The following TGM7 variants were observed in gnomAD, a reference collection of about 807,000 sequenced individuals.
TGM7 encodes the protein protein-glutamine gamma-glutamyltransferase Z.
TGM7 carries 74 observed loss-of-function variants against 79.5 expected under a neutral mutation model. That is an observed-to-expected ratio of 0.93 (90% CI 0.77 to 1.13). TGM7 has a LOEUF of 1.13. Ranked by LOEUF, TGM7 falls within the 50% of genes most tolerant of loss-of-function variation. TGM7 has a pLI of 0.00. For synonymous variants in TGM7, 354 were observed against 362.5 expected, an observed-to-expected ratio of 0.98 and a Z score of 0.27; for missense variants, 912 against 905.9, an observed-to-expected ratio of 1.01 and a Z score of -0.09.
At chr15:43,297,083 C>T (rs555138261) in intron 1 of TGM7, among the ~76,000 whole-genome samples, 15 of 152,108 alleles carry the variant, frequency 9.9e-5, no homozygotes, top group African/African-American at 3.6e-4. Flanking sequence ...CCACAAGATT[C>T]CTGGCACTTA....
At chr15:43,299,664 T>C (rs1251997032) in intron 1 of TGM7, among the ~76,000 whole-genome samples, 2 of 152,246 alleles carry the variant, frequency 1.3e-5, no homozygotes, top group East Asian at 3.8e-4. Context: ...AGGTGGAAGG[T>C]GGACTCAGCT....
At chr15:43,276,779 G>A (rs1466071975) in intron 12 of TGM7, 83 bp downstream of exon 12, 2 of 1,568,088 alleles carry the variant, frequency 1.3e-6, no homozygotes, top group Non-Finnish European at 8.7e-7. Context: ...CACTGCACAG[G>A]AGACTGAGGA....
At position 43,276,858 on chromosome 15, in the gene TGM7, T is replaced by C; in HGVS notation, c.1973+4A>G. ...AGGGGGAGGTGGGCAGAAGCGTCAC[T>C]TACTCCTTTGCTATCTGCCCATTGA... is the stretch of plus-strand genomic sequence containing the variant. On this transcript the variant is annotated splice_donor_region_variant and intron_variant, in intron 12 of 12. Transcript: ENST00000452443. 1 of 1,613,842 alleles carries C rather than the reference T, an allele frequency of 6.2e-7. No individual in the cohort carries two copies. The highest frequency in any genetic ancestry group is 8.5e-7 in the Non-Finnish European group (1 of 1,179,820).
Position 43,292,875 on chromosome 15 carries a change from A to G in TGM7, c.273T>C (p.Ala91=). Residue 91 remains alanine, a synonymous_variant, in exon 3 of 13, where the codon GCT becomes GCC. Coordinates refer to ENST00000452443, the MANE Select transcript of TGM7 (RefSeq NM_052955.3). The part of the protein sequence containing the change: ...TRVQPGNVWS[A]SDFTIDSNSL... Reference sequence around the variant, plus strand: ...AGTTGGAGTCAATGGTGAAATCAGAAGCGCTCCAGACATTCCCGGGCTGGA... The same window carrying G: ...AGTTGGAGTCAATGGTGAAATCAGAGGCGCTCCAGACATTCCCGGGCTGGA... 6.2e-7 allele frequency: 1 copy of G among 1,614,058 alleles called. No individual in the cohort carries two copies. Among genetic ancestry groups the G allele is most frequent in the Non-Finnish European group, 8.5e-7 (1 of 1,180,018 alleles).
Position 43,295,767 on chromosome 15 carries a change from A to G in TGM7, c.11-2136T>C, listed in dbSNP as rs78256254. Among the ~76,000 whole-genome samples, 1,330 of 152,334 alleles carry G rather than the reference A, an allele frequency of 8.7e-3. 20 individuals carry two copies. The highest frequency in any genetic ancestry group is 0.03 in the African/African-American group (1,261 of 41,572). Reference sequence around the variant, plus strand: ...GTCTGGCTAAAAACAGAATATGCATAAGGATCCCTTGATCTGTCTCTTAAC... The same window carrying G: ...GTCTGGCTAAAAACAGAATATGCATGAGGATCCCTTGATCTGTCTCTTAAC... On this transcript the variant is annotated intron_variant, in intron 1 of 12. Coordinates refer to ENST00000452443, the MANE Select transcript of TGM7 (RefSeq NM_052955.3).
rs1278708256 is a variant in TGM7 at position 43,292,706 on chromosome 15, T to C, written c.439+3A>G. The C allele has an allele frequency of 2.5e-6, 4 of 1,614,024 alleles. No homozygotes were observed. In the Admixed American group the frequency reaches 6.7e-5, roughly 27 times the overall value. On this transcript the variant is annotated splice_donor_region_variant and intron_variant, in intron 3 of 12. Coordinates refer to ENST00000452443, the MANE Select transcript of TGM7 (RefSeq NM_052955.3). ...AGCAATACAAGCTGTGGGCACATCC[T>C]ACCTGGACTCCAAGGGTTAAAAAGT...
At chr15:43,294,090 A>G (rs1187783087) in intron 1 of TGM7, among the ~76,000 whole-genome samples, 1 of 152,098 alleles carries the variant, frequency 6.6e-6, no homozygotes, top group Non-Finnish European at 1.5e-5. Context: ...TTTGTTGACA[A>G]TCTTTCTAAA....
At chr15:43,281,520 C>G (rs1436532714) in intron 9 of TGM7, among the ~76,000 whole-genome samples, 1 of 152,234 alleles carries the variant, frequency 6.6e-6, no homozygotes, top group Non-Finnish European at 1.5e-5. Flanking sequence ...TATTAAAAAT[C>G]ATACCCAGTG....
At chr15:43,298,879 A>T (rs1485282328) in intron 1 of TGM7, among the ~76,000 whole-genome samples, 2 of 152,200 alleles carry the variant, frequency 1.3e-5, no homozygotes, top group Non-Finnish European at 2.9e-5. Flanking sequence ...ACTTAAGCAT[A>T]AAAATGTTCA....
At chr15:43,300,888 C>T (rs929020140) in intron 1 of TGM7, among the ~76,000 whole-genome samples, 5 of 152,214 alleles carry the variant, frequency 3.3e-5, no homozygotes, top group Non-Finnish European at 5.9e-5. Flanking sequence ...TAAACTCTAG[C>T]ACTAAAGTAC....
chr15:43,302,253 C>G lies in TGM7; in HGVS notation c.-3G>C, dbSNP rs777274472. The G allele has an allele frequency of 1.9e-5, 31 of 1,614,190 alleles. 1 individual carries two copies. In the South Asian group the frequency reaches 3.0e-4, roughly 15 times the overall value. On this transcript the variant is annotated 5_prime_UTR_variant, in exon 1 of 13. Transcript: ENST00000452443. ...TCCCAGTACTCACCCTGATCCATCT[C>G]CCTCCTTCTCCTGTCGGTCAAGGCC...
At chr15:43,293,065 GGCTTTTACT>G in intron 2 of TGM7, 111 bp from the exon 3 acceptor site, 2 of 1,450,994 alleles carry the variant, frequency 1.4e-6, no homozygotes, top group Non-Finnish European at 1.9e-6. Flanking sequence ...TAATGCTTTT[GGCTTTTACT>G]GCCACCGAGT....
At position 43,298,231 on chromosome 15, in the gene TGM7, T is replaced by C. The variant is rs2043009906; in HGVS notation, c.10+4010A>G. On this transcript the variant is annotated intron_variant, in intron 1 of 12. Coordinates refer to ENST00000452443, the MANE Select transcript of TGM7 (RefSeq NM_052955.3). ...TTCTTGGTGACATTTGCTGAATGGA[T>C]AGACACACATGTGCGTGAGGTTCAA... 2.6e-5 allele frequency among the ~76,000 whole-genome samples: 4 copies of C among 152,050 alleles called. No homozygotes were observed. In the South Asian group the frequency reaches 6.2e-4, roughly 24 times the overall value.
intron 1 of TGM7, 77 bp downstream of exon 1, chr15:43,302,164 A>G (rs1039835494): frequency 3.2e-6 from 5 of 1,560,498 alleles, no homozygotes; most frequent in Non-Finnish European, 4.4e-6. Context: ...GCTTCCCTAC[A>G]TCCTCTACCC....
intron 1 of TGM7, 40 bp from the exon 2 acceptor site, chr15:43,293,671 C>G (rs767614539): frequency 1.3e-6 from 2 of 1,501,530 alleles, no homozygotes; most frequent in East Asian, 2.4e-5. Context: ...CACCTGCAGT[C>G]CCCTGGGCTC....
intron 9 of TGM7, among the ~76,000 whole-genome samples, chr15:43,280,912 G>A (rs538211363): frequency 4.6e-5 from 7 of 152,372 alleles, no homozygotes; most frequent in Admixed American, 4.6e-4. Flanking sequence ...CAGCCGCTGA[G>A]TGTCTACCGC....
In TGM7 at chr15:43,286,643, T is replaced by C. The variant is rs192662881; in HGVS notation, c.865+637A>G. 1.1e-4 allele frequency among the ~76,000 whole-genome samples: 16 copies of C among 152,296 alleles called. No individual in the cohort carries two copies. The East Asian group carries it at 3.1e-3, about 29-fold the overall frequency. ...AGTCACCCTGTTAGTTCAGCAAATG[T>C]TCATCGAGCTCCATAATGTAGCAGG... On this transcript the variant is annotated intron_variant, in intron 6 of 12. Coordinates refer to ENST00000452443, the MANE Select transcript of TGM7 (RefSeq NM_052955.3).
chr15:43,293,024 G>A (rs779452153), intron 2 of TGM7, 70 bp from the exon 3 acceptor site: 32 of 1,564,460 alleles, frequency 2.0e-5, no homozygotes, highest in Admixed American at 3.6e-5. Context: ...CAGGGGAGTC[G>A]GAAGGACCGT....
At chr15:43,291,954 G>A in intron 4 of TGM7, 25 bp downstream of exon 4, 1 of 1,578,884 alleles carries the variant, frequency 6.3e-7, no homozygotes. Flanking sequence ...GCCCACCCCA[G>A]GCCCACATTG....
Sources: allele counts gnomAD v4.1 joint callset (sites outside exome capture counted in the v4.1 genomes callset), GRCh38; gene constraint gnomAD v4.1.1; transcripts MANE v1.5; gene names NCBI Gene and HGNC (gene_info 2026-07-23, HGNC 2026-07-21).